ABCC4: variants seen among roughly 807,000 people sequenced by gnomAD.
ABCC4 encodes the protein ATP-binding cassette sub-family C member 4.
In ABCC4, 102 loss-of-function variants were observed where a neutral mutation model predicts 168.5. That is an observed-to-expected ratio of 0.61 (90% CI 0.52 to 0.71). The LOEUF (loss-of-function observed/expected upper bound fraction) is 0.71, where lower values mean the gene tolerates loss of function less well. ABCC4 is among the 30% of genes least tolerant of loss of function. The pLI, the probability that ABCC4 is intolerant of heterozygous loss-of-function variation, is 0.00. For missense variants in ABCC4, 1,402 were observed against 1,605.8 expected (o/e 0.87, Z 2.17); for synonymous variants, 617 against 590.7 (o/e 1.04, Z -0.65).
At position 95,071,730 on chromosome 13, in the gene ABCC4, A is replaced by G; in HGVS notation, c.3142T>C (p.Phe1048Leu). The change falls in exon 25 of 31, where the codon TTC becomes CTC. Residue 1048 changes from phenylalanine (F) to leucine (L), a missense_variant. This residue lies in a region of ABCC4 where 1,007 missense variants were observed against 1,127.3 expected (regional missense o/e 0.89). Coordinates refer to ENST00000645237, the MANE Select transcript of ABCC4 (RefSeq NM_005845.5). ...AGAGGCCCACCTGGACTGTACATGAAGTTCACATTGTCAAAGATTATCACT... is the reference window on the plus strand; with the variant it reads ...AGAGGCCCACCTGGACTGTACATGAGGTTCACATTGTCAAAGATTATCACT... ...EGVIIFDNVN[F>L]MYSPGGPLVL... The G allele has an allele frequency of 6.2e-7, 1 of 1,603,686 alleles. No homozygotes were observed. The highest frequency in any genetic ancestry group is 8.5e-7 in the Non-Finnish European group (1 of 1,175,378).
Position 95,121,763 on chromosome 13 carries a change from AG to A in ABCC4, c.2456-5763del, listed in dbSNP as rs764130001. 3.7e-4 allele frequency among the ~76,000 whole-genome samples: 56 copies of A among 152,206 alleles called. No homozygotes were observed. The East Asian group carries it at 4.2e-3, about 12-fold the overall frequency. On this transcript the variant is annotated intron_variant, in intron 19 of 30. Transcript: ENST00000645237. ...CTGCCTTGAAGAATCTTAAAGAATG[AG>A]ACAGAGGATGAAGAGGAGGCCAAGC...
intron 20 of ABCC4, among the ~76,000 whole-genome samples, chr13:95,106,354 CGT>C (rs2035004630): frequency 6.8e-6 from 1 of 146,416 alleles, no homozygotes; most frequent in Non-Finnish European, 1.5e-5. Flanking sequence ...TATATGTGCG[CGT>C]ATATATATAT....
At chr13:95,184,579 T>C (rs561268769) in intron 11 of ABCC4, among the ~76,000 whole-genome samples, 6 of 152,296 alleles carry the variant, frequency 3.9e-5, no homozygotes, top group African/African-American at 1.4e-4. Flanking sequence ...ACCACAGTCT[T>C]GAACAAATCA....
chr13:95,297,042 A>C (rs961698358), intron 1 of ABCC4, among the ~76,000 whole-genome samples: 1 of 152,108 alleles, frequency 6.6e-6, no homozygotes, highest in African/African-American at 2.4e-5. Context: ...AGGCCGATGC[A>C]GGTGTATCAC....
At chr13:95,267,310 G>A (rs985563498) in intron 1 of ABCC4, among the ~76,000 whole-genome samples, 2 of 151,864 alleles carry the variant, frequency 1.3e-5, no homozygotes, top group Admixed American at 6.6e-5. Context: ...TAGGTCTCAC[G>A]AGATCTGCTG....
chr13:95,226,867 C>T (rs776190950), intron 4 of ABCC4, among the ~76,000 whole-genome samples: 1 of 152,176 alleles, frequency 6.6e-6, no homozygotes, highest in Non-Finnish European at 1.5e-5. Context: ...GGGATTAAAC[C>T]CGCAACCCAT....
At chr13:95,164,660 T>C (rs1431262061) in intron 15 of ABCC4, 142 bp from the exon 16 acceptor site, 16 of 763,418 alleles carry the variant, frequency 2.1e-5, no homozygotes, top group Non-Finnish European at 3.0e-5. Flanking sequence ...GGTGTGGAAA[T>C]AGCTAGCCAA....
At chr13:95,122,792 C>T (rs552436052) in intron 19 of ABCC4, among the ~76,000 whole-genome samples, 89 of 151,358 alleles carry the variant, frequency 5.9e-4, no homozygotes, top group African/African-American at 2.1e-3. Flanking sequence ...GGACCGGCTA[C>T]GGATAACTGT....
intron 1 of ABCC4, among the ~76,000 whole-genome samples, chr13:95,281,899 G>A (rs1016043458): frequency 2.0e-5 from 3 of 152,128 alleles, no homozygotes; most frequent in African/African-American, 7.2e-5. Flanking sequence ...CTGAGGTTAG[G>A]AGTTCGAGAC....
chr13:95,244,067 T>C (rs6492772), intron 3 of ABCC4, among the ~76,000 whole-genome samples: 137,324 of 152,118 alleles, frequency 0.9, 62,122 homozygotes, highest in African/African-American at 0.94. Flanking sequence ...TGCCCCACTG[T>C]TCCAGGGAGC....
At chr13:95,136,267 G>A (rs1037950299) in intron 19 of ABCC4, among the ~76,000 whole-genome samples, 6 of 151,766 alleles carry the variant, frequency 4.0e-5, no homozygotes, top group African/African-American at 1.2e-4. Flanking sequence ...CCGTCTTCTG[G>A]GCTTAGCCTC....
intron 1 of ABCC4, among the ~76,000 whole-genome samples, chr13:95,273,291 C>T (rs549326867): frequency 6.8e-4 from 103 of 152,294 alleles, no homozygotes; most frequent in Non-Finnish European, 2.2e-4. Context: ...CCTCCCACAA[C>T]GTCAGAGTGA....
intron 1 of ABCC4, among the ~76,000 whole-genome samples, chr13:95,263,252 T>C (rs964428737): frequency 1.3e-5 from 2 of 152,032 alleles, no homozygotes; most frequent in African/African-American, 4.8e-5. Context: ...TAAAACAAGG[T>C]TATATATTAA....
intron 4 of ABCC4, among the ~76,000 whole-genome samples, chr13:95,227,907 A>C (rs1468106248): frequency 1.3e-5 from 2 of 152,042 alleles, no homozygotes; most frequent in East Asian, 3.9e-4. Context: ...ATGGGGTTTC[A>C]CCATGTTGGT....
intron 19 of ABCC4, among the ~76,000 whole-genome samples, chr13:95,146,836 A>T (rs56170137): frequency 0.073 from 11,141 of 152,272 alleles, 532 homozygotes; most frequent in South Asian, 0.13. Context: ...GCAAGATTCC[A>T]AATGTATTGT....
At chr13:95,212,732 G>A (rs908234608) in intron 4 of ABCC4, among the ~76,000 whole-genome samples, 1 of 150,770 alleles carries the variant, frequency 6.6e-6, no homozygotes, top group Non-Finnish European at 1.5e-5. Context: ...CCAAGTGAAC[G>A]ATAACTCTAC....
chr13:95,075,518 G>A lies in ABCC4; in HGVS notation c.2720C>T (p.Ser907Phe), dbSNP rs765611631. The A allele has an allele frequency of 1.5e-5, 25 of 1,613,986 alleles. No individual in the cohort carries two copies. The highest frequency in any genetic ancestry group is 2.1e-5 in the Non-Finnish European group (25 of 1,180,000). Residue 907 changes from serine (S) to phenylalanine (F), a missense_variant, in exon 22 of 31, where the codon TCT becomes TTT. Physicochemically the swap from Ser to Phe is radical, Grantham distance 155. Transcript: ENST00000645237. The part of the protein sequence containing the change: ...RSPVFSHLSS[S>F]LQGLWTIRAY... ...CCGGATGGTCCAGAGCCCCTGGAGAGAAGATGATAAGTGGGAAAACACTGG... is the reference window on the plus strand; with the variant it reads ...CCGGATGGTCCAGAGCCCCTGGAGAAAAGATGATAAGTGGGAAAACACTGG...
chr13:95,202,401 T>C (rs117238098), intron 8 of ABCC4, among the ~76,000 whole-genome samples: 6 of 152,262 alleles, frequency 3.9e-5, no homozygotes, highest in Non-Finnish European at 8.8e-5. Context: ...CTCTGACTAA[T>C]ACAGACGGTT....
At chr13:95,262,211 C>G (rs2040550423) in intron 1 of ABCC4, among the ~76,000 whole-genome samples, 1 of 152,182 alleles carries the variant, frequency 6.6e-6, no homozygotes, top group South Asian at 2.1e-4. Flanking sequence ...GCCCACGTGG[C>G]TGGGGCCCTG....
Sources: allele counts gnomAD v4.1 joint callset (sites outside exome capture counted in the v4.1 genomes callset), GRCh38; gene constraint gnomAD v4.1.1; regional missense constraint gnomAD v4.1.1; transcripts MANE v1.5; gene names NCBI Gene and HGNC (gene_info 2026-07-23, HGNC 2026-07-21).